RAF1: variants seen among roughly 807,000 people sequenced by gnomAD.
RAF1 encodes the protein Raf-1 proto-oncogene, serine/threonine kinase.
A neutral mutation model predicts 81.1 loss-of-function variants in RAF1; 27 were observed. The ratio of observed to expected loss-of-function variants is 0.33; its 90% CI spans 0.25 to 0.46. RAF1 has a LOEUF of 0.46. Ranked by LOEUF, RAF1 falls within the 20% of genes least tolerant of loss-of-function variation. The probability of loss-of-function intolerance (pLI) is 1.00; values close to 1 mark genes in which losing one functional copy is unlikely to be tolerated. For missense variants in RAF1, 598 were observed against 826.0 expected, an observed-to-expected ratio of 0.72 and a Z score of 3.38; for synonymous variants, 298 against 294.0, an observed-to-expected ratio of 1.01 and a Z score of -0.14.
intron 1 of RAF1, among the ~76,000 whole-genome samples, chr3:12,622,563 C>T (rs1023653973): frequency 2.6e-5 from 4 of 152,182 alleles, no homozygotes; most frequent in Admixed American, 2.6e-4. Flanking sequence ...GAGAGGCTTT[C>T]CCTAACCACA....
At chr3:12,651,594 C>T (rs1381482583) in intron 1 of RAF1, among the ~76,000 whole-genome samples, 2 of 149,424 alleles carry the variant, frequency 1.3e-5, no homozygotes, top group Non-Finnish European at 3.0e-5. Context: ...AGATCGGTTG[C>T]CGTGAGCCGA....
Position 12,655,002 on chromosome 3 carries a change from C to CA in RAF1, c.-27+8810_-27+8811insT, listed in dbSNP as rs1553624730. Among the ~76,000 whole-genome samples, 3 of 135,506 alleles carry CA rather than the reference C, an allele frequency of 2.2e-5. 1 individual carries two copies. The highest frequency in any genetic ancestry group is 8.7e-5 in the African/African-American group (3 of 34,656). The allele number at this position is 135,506 out of a possible 152,430, so 88.9% of individuals were successfully genotyped here. A position where few individuals can be genotyped will look rare whatever the true frequency, so the allele number is the denominator to read the frequency against. ...ACCAACCTGGTAAACATAGTGAGAC[C>CA]CCCCCCCCGCCATCTCTAAAATAGT... is the stretch of plus-strand genomic sequence containing the variant. On this transcript the variant is annotated intron_variant, in intron 1 of 17. Coordinates refer to ENST00000442415, the MANE Select transcript of RAF1 (RefSeq NM_001354689.3).
chr3:12,618,900 C>G (rs996432628), intron 1 of RAF1, among the ~76,000 whole-genome samples, 153 bp from the exon 2 acceptor site: 1 of 152,210 alleles, frequency 6.6e-6, no homozygotes, highest in Non-Finnish European at 1.5e-5. Flanking sequence ...TAATAGTACA[C>G]TTCCATTAAA....
At chr3:12,656,930 G>A (rs1200385362) in intron 1 of RAF1, among the ~76,000 whole-genome samples, 1 of 151,250 alleles carries the variant, frequency 6.6e-6, no homozygotes, top group Non-Finnish European at 1.5e-5. Flanking sequence ...CCGGGAGACA[G>A]AGGTTGCAGT....
chr3:12,602,506 C>G (rs781030683), intron 8 of RAF1, among the ~76,000 whole-genome samples: 1 of 152,162 alleles, frequency 6.6e-6, no homozygotes, highest in Non-Finnish European at 1.5e-5. Flanking sequence ...TGCACACCAC[C>G]AAGCCCAGCT....
At chr3:12,615,369 C>G (rs546361693) in intron 2 of RAF1, among the ~76,000 whole-genome samples, 1 of 152,196 alleles carries the variant, frequency 6.6e-6, no homozygotes, top group Non-Finnish European at 1.5e-5. Flanking sequence ...AAATCAGATA[C>G]GCGTCCTCTG....
At chr3:12,663,296 GC>G (rs1428292490) in intron 1 of RAF1, among the ~76,000 whole-genome samples, 1 of 152,128 alleles carries the variant, frequency 6.6e-6, no homozygotes, top group African/African-American at 2.4e-5. Flanking sequence ...GATACCCAAG[GC>G]TAGTCCTGAT....
intron 8 of RAF1, among the ~76,000 whole-genome samples, chr3:12,601,489 A>G (rs2058859983): frequency 1.3e-5 from 2 of 152,326 alleles, no homozygotes; most frequent in East Asian, 1.9e-4. Context: ...ATCGCTTGGA[A>G]TAGAACAGTA....
intron 8 of RAF1, among the ~76,000 whole-genome samples, chr3:12,601,265 T>C (rs955626646): frequency 5.3e-5 from 8 of 152,124 alleles, no homozygotes; most frequent in African/African-American, 1.9e-4. Flanking sequence ...GCAGAACCAG[T>C]AGGTGGCAGA....
intron 1 of RAF1, among the ~76,000 whole-genome samples, chr3:12,654,139 A>C (rs1575677922): frequency 6.7e-6 from 1 of 149,832 alleles, no homozygotes; most frequent in African/African-American, 2.5e-5. Flanking sequence ...CTACAGGCGC[A>C]TACCACATGC....
At chr3:12,624,012 AC>A (rs1169339696) in intron 1 of RAF1, among the ~76,000 whole-genome samples, 3 of 151,608 alleles carry the variant, frequency 2.0e-5, no homozygotes, top group Admixed American at 6.6e-5. Context: ...GTACCACCAC[AC>A]CTGGCTAATT....
At chr3:12,629,068 G>A (rs1224900555) in intron 1 of RAF1, among the ~76,000 whole-genome samples, 1 of 152,124 alleles carries the variant, frequency 6.6e-6, no homozygotes, top group African/African-American at 2.4e-5. Context: ...TAAATATCAT[G>A]ACAGTTGTAT....
rs77342880 is a variant in RAF1, at chr3:12,587,861, T to A, written c.1431-224A>T. ...CCTTTTTTTTTTTTTTTTTGGAGAC[T>A]GGAGTGCAGTCAATAGCTTACTGCA... On this transcript the variant is annotated intron_variant, in intron 13 of 17. Transcript: ENST00000442415. 131 of 419,572 alleles carry A rather than the reference T, an allele frequency of 3.1e-4. 2 individuals are homozygous for A. The highest frequency in any genetic ancestry group is 2.9e-3 in the East Asian group (76 of 26,586). The allele number at this position is 419,572 out of a possible 1,614,324, so 26.0% of individuals were successfully genotyped here.
At chr3:12,642,719 C>CACACACACAAAA (rs1491570753) in intron 1 of RAF1, among the ~76,000 whole-genome samples, 16 of 141,374 alleles carry the variant, frequency 1.1e-4, no homozygotes, top group Admixed American at 4.3e-4. Context: ...CACACACACA[C>CACACACACAAAA]AAAATAGCTG....
chr3:12,663,746 T>G, intron 1 of RAF1, 67 bp downstream of exon 1: 2 of 395,346 alleles, frequency 5.1e-6, no homozygotes, highest in African/African-American at 2.1e-5. Flanking sequence ...CCGGTCGCCC[T>G]GGAAGCCGAT....
At chr3:12,660,888 T>TC (rs2060854044) in intron 1 of RAF1, among the ~76,000 whole-genome samples, 1 of 152,034 alleles carries the variant, frequency 6.6e-6, no homozygotes. Flanking sequence ...GGCAGGAGAA[T>TC]GCTTAAACCC....
At chr3:12,596,501 CA>C (rs1427884557) in intron 11 of RAF1, among the ~76,000 whole-genome samples, 1 of 152,038 alleles carries the variant, frequency 6.6e-6, no homozygotes, top group African/African-American at 2.4e-5. Context: ...GCCTTGATGC[CA>C]AATTTAATGC....
At position 12,585,703 on chromosome 3, in the gene RAF1, GGTT is replaced by G; in HGVS notation, c.1571_1573del (p.Gln524del). The G allele has an allele frequency of 2.5e-6, 4 of 1,613,884 alleles. No individual in the cohort carries two copies. The highest frequency in any genetic ancestry group is 1.7e-6 in the Non-Finnish European group (2 of 1,179,764). ...CACCATCCAGAGGACAGAGCCAGTA[GGTT>G]GTTCAACCTGCTGAGAACCACTCCA... On this transcript the variant is annotated inframe_deletion, in exon 15 of 18. Coordinates refer to ENST00000442415, the MANE Select transcript of RAF1 (RefSeq NM_001354689.3).
intron 17 of RAF1, 29 bp downstream of exon 16, chr3:12,584,818 A>G: frequency 1.2e-6 from 2 of 1,613,980 alleles, no homozygotes; most frequent in East Asian, 4.5e-5. Flanking sequence ...CCCATGCTTT[A>G]ATCACATTCT....
Sources: allele counts gnomAD v4.1 joint callset (sites outside exome capture counted in the v4.1 genomes callset), GRCh38; gene constraint gnomAD v4.1.1; transcripts MANE v1.5; gene names NCBI Gene and HGNC (gene_info 2026-07-23, HGNC 2026-07-21).